The following SPAG9 variants were observed in gnomAD, a reference collection of about 807,000 sequenced individuals.
The protein encoded by SPAG9 is sperm associated antigen 9, also known as C-Jun-amino-terminal kinase-interacting protein 4.
A neutral mutation model predicts 166.5 loss-of-function variants in SPAG9; 35 were observed. The ratio of observed to expected loss-of-function variants is 0.21; its 90% CI spans 0.16 to 0.28. The LOEUF (loss-of-function observed/expected upper bound fraction) is 0.28, where lower values mean the gene tolerates loss of function less well. Ranked by LOEUF, SPAG9 falls within the 10% of genes least tolerant of loss-of-function variation. The pLI, the probability that SPAG9 is intolerant of heterozygous loss-of-function variation, is 1.00. For missense variants in SPAG9, 1,235 were observed against 1,603.3 expected (o/e 0.77, Z 3.92); for synonymous variants, 534 against 565.5 (o/e 0.94, Z 0.79).
At chr17:51,101,175 G>A (rs2048797688) in intron 1 of SPAG9, among the ~76,000 whole-genome samples, 1 of 151,310 alleles carries the variant, frequency 6.6e-6, no homozygotes, top group South Asian at 2.1e-4. Context: ...GTGAAACACC[G>A]TCTCTACTAA....
intron 1 of SPAG9, among the ~76,000 whole-genome samples, chr17:51,114,737 A>G (rs2049232377): frequency 6.6e-6 from 1 of 152,194 alleles, no homozygotes; most frequent in African/African-American, 2.4e-5. Flanking sequence ...GAATCACTTG[A>G]GGTCAGGAGT....
chr17:51,050,522 C>T (rs1043646020), intron 3 of SPAG9, among the ~76,000 whole-genome samples: 3 of 152,174 alleles, frequency 2.0e-5, no homozygotes, highest in Admixed American at 2.0e-4. Flanking sequence ...ACTCAGGCCG[C>T]CTTTGTACTT....
chr17:51,104,810 G>A (rs897081833), intron 1 of SPAG9, among the ~76,000 whole-genome samples: 3 of 151,626 alleles, frequency 2.0e-5, no homozygotes, highest in African/African-American at 7.3e-5. Context: ...GCGGGCGCCT[G>A]TAGTCCCAGC....
At chr17:51,101,345 CAAAAAA>C (rs60896400) in intron 1 of SPAG9, among the ~76,000 whole-genome samples, 4 of 92,000 alleles carry the variant, frequency 4.3e-5, no homozygotes, top group Admixed American at 2.3e-4. Flanking sequence ...GATTCTGTCT[CAAAAAA>C]AAAAAAAAAA....
At position 51,001,708 on chromosome 17, in the gene SPAG9, T is replaced by A; in HGVS notation, c.1607+7A>T. 1.9e-6 allele frequency: 3 copies of A among 1,601,672 alleles called. No homozygotes were observed. In the South Asian group the frequency reaches 3.4e-5, roughly 18 times the overall value. ...TAGGAAAATAATGGAGCGCTTGTCA[T>A]ACAAACCGAATCATCTCTGTCCATC... On this transcript the variant is annotated splice_region_variant and intron_variant, in intron 13 of 29. Transcript: ENST00000262013.
rs144079824 is a variant in SPAG9, at chr17:51,061,527, T to C, written c.425-5045A>G. 9.2e-3 allele frequency among the ~76,000 whole-genome samples: 1,347 copies of C among 146,604 alleles called. 23 individuals carry two copies. Among genetic ancestry groups the C allele is most frequent in the African/African-American group, 0.033 (1,297 of 39,678 alleles). ...CAGAAGGCTGAGGCAGGAGAATCAC[T>C]TTAACCTGGGAGGTGGAGGTTGCAG... On this transcript the variant is annotated intron_variant, in intron 2 of 29. Transcript: ENST00000262013.
At chr17:51,091,905 G>C (rs1232793086) in intron 1 of SPAG9, among the ~76,000 whole-genome samples, 1 of 149,112 alleles carries the variant, frequency 6.7e-6, no homozygotes, top group African/African-American at 2.5e-5. Flanking sequence ...TTTAAGTCCA[G>C]ATGGCTTATA....
chr17:51,100,062 T>A (rs1241362234), intron 1 of SPAG9, among the ~76,000 whole-genome samples: 2 of 152,178 alleles, frequency 1.3e-5, no homozygotes, highest in African/African-American at 4.8e-5. Context: ...ATTGTGCCAC[T>A]GCACTCCAGC....
intron 2 of SPAG9, among the ~76,000 whole-genome samples, chr17:51,066,994 C>T (rs771250725): frequency 3.9e-5 from 6 of 152,070 alleles, no homozygotes; most frequent in Admixed American, 6.5e-5. Context: ...AGAACCTGAA[C>T]AGAAACTGTT....
At chr17:51,083,001 T>G (rs1014399434) in intron 1 of SPAG9, among the ~76,000 whole-genome samples, 5 of 152,150 alleles carry the variant, frequency 3.3e-5, no homozygotes, top group African/African-American at 1.2e-4. Context: ...TCTAAAAACC[T>G]AGCAGGCCTA....
intron 1 of SPAG9, among the ~76,000 whole-genome samples, chr17:51,111,500 G>A (rs1009008606): frequency 3.9e-5 from 6 of 152,178 alleles, no homozygotes; most frequent in Non-Finnish European, 5.9e-5. Context: ...GTGACCTATG[G>A]CACACACTTC....
At chr17:50,991,372 T>C (rs1975534516) in intron 19 of SPAG9, among the ~76,000 whole-genome samples, 1 of 152,134 alleles carries the variant, frequency 6.6e-6, no homozygotes, top group African/African-American at 2.4e-5. Flanking sequence ...AGTATATAGG[T>C]TGATTAAGAT....
At chr17:50,988,282 A>C (rs1016699283) in intron 21 of SPAG9, among the ~76,000 whole-genome samples, 1 of 152,168 alleles carries the variant, frequency 6.6e-6, no homozygotes, top group African/African-American at 2.4e-5. Flanking sequence ...TTTGTAAAAA[A>C]TCAGACCTTA....
At chr17:51,112,620 A>G (rs1336931403) in intron 1 of SPAG9, among the ~76,000 whole-genome samples, 2 of 148,042 alleles carry the variant, frequency 1.4e-5, no homozygotes, top group Admixed American at 6.8e-5. Flanking sequence ...GCAGCAAGCC[A>G]AGACACTCCA....
At chr17:51,075,490 G>A (rs2047944808) in intron 2 of SPAG9, among the ~76,000 whole-genome samples, 1 of 152,080 alleles carries the variant, frequency 6.6e-6, no homozygotes, top group Non-Finnish European at 1.5e-5. Context: ...ATTACTTAAT[G>A]CACAAAAGGA....
Position 50,995,200 on chromosome 17 carries a change from A to C in SPAG9, c.2083T>G (p.Leu695Val), listed in dbSNP as rs201147499. 2.2e-4 allele frequency: 355 copies of C among 1,613,968 alleles called. No individual in the cohort carries two copies. Among genetic ancestry groups the C allele is most frequent in the Admixed American group, 2.8e-4 (17 of 60,002 alleles). ...CCATCTCTGGTCTTCCCACCAGATA[A>C]ATTGACTCCAACAGCACACCACAGC... ...MKLWCAVGVNLSGGKTRDGGS... is the reference protein window; with the variant it reads ...MKLWCAVGVNVSGGKTRDGGS... The change falls in exon 18 of 30, where the codon TTA becomes GTA. Residue 695 changes from leucine to valine, a missense_variant. By Grantham distance (32) the Leu-to-Val change is conservative. Transcript: ENST00000262013.
At chr17:51,025,928 G>A (rs1325208969) in intron 6 of SPAG9, among the ~76,000 whole-genome samples, 28 of 152,028 alleles carry the variant, frequency 1.8e-4, no homozygotes, top group Admixed American at 1.8e-3. Flanking sequence ...AAAATAAACA[G>A]TCTGTATTTC....
At chr17:51,110,782 T>A (rs1370380028) in intron 1 of SPAG9, among the ~76,000 whole-genome samples, 1 of 152,130 alleles carries the variant, frequency 6.6e-6, no homozygotes, top group African/African-American at 2.4e-5. Flanking sequence ...TTTTTGGGTG[T>A]GCCTATTATG....
intron 2 of SPAG9, among the ~76,000 whole-genome samples, chr17:51,067,706 A>C (rs1031926265): frequency 1.3e-5 from 2 of 151,830 alleles, no homozygotes; most frequent in African/African-American, 4.8e-5. Context: ...TTTTCTGGGG[A>C]GTAAAAAAAA....
Sources: allele counts gnomAD v4.1 joint callset (sites outside exome capture counted in the v4.1 genomes callset), GRCh38; gene constraint gnomAD v4.1.1; transcripts MANE v1.5; gene names NCBI Gene and HGNC (gene_info 2026-07-23, HGNC 2026-07-21).